Variants in KCNN3 observed in about 807,000 individuals in gnomAD.
The protein encoded by KCNN3 is potassium calcium-activated channel subfamily N member 3.
In KCNN3, 16 loss-of-function variants were observed where a neutral mutation model predicts 62.9. That is an observed-to-expected ratio of 0.25 (90% confidence interval 0.17 to 0.39). The LOEUF is 0.39. Among genes scored for constraint, KCNN3 ranks in the 10% least tolerant of loss-of-function variants. KCNN3 has a pLI of 1.00. For missense variants in KCNN3, 599 were observed against 949.4 expected (o/e 0.63, Z 4.85); for synonymous variants, 370 against 389.2 (o/e 0.95, Z 0.58).
intron 3 of KCNN3, among the ~76,000 whole-genome samples, chr1:154,769,099 C>G (rs1648432170): frequency 6.6e-6 from 1 of 151,870 alleles, no homozygotes; most frequent in Non-Finnish European, 1.5e-5. Context: ...TCCCATGAGC[C>G]TTCATGTCCA....
intron 1 of KCNN3, among the ~76,000 whole-genome samples, chr1:154,850,050 G>A (rs969452978): frequency 2.6e-5 from 4 of 152,108 alleles, no homozygotes; most frequent in African/African-American, 9.7e-5. Context: ...TCTGGCAGGC[G>A]CTTCTTTCTC....
At chr1:154,714,241 G>GTGTGTGTGGGGTGTGTGCGC (rs1700157820) in intron 6 of KCNN3, among the ~76,000 whole-genome samples, 4 of 137,436 alleles carry the variant, frequency 2.9e-5, no homozygotes, top group African/African-American at 8.2e-5. Context: ...GGTGTGTGCG[G>GTGTGTGTGGGGTGTGTGCGC]TGTGTATGGT....
rs1286122907 is a variant in KCNN3, at chr1:154,779,556, A to C, written c.1030-7163T>G. On this transcript the variant is annotated intron_variant, in intron 2 of 7. Transcript: ENST00000271915. ...AAAGAATAACTCAGAGCATTTAAAA[A>C]GTTATTTTGCAAGCAGTTTAGTTGT... is the stretch of plus-strand genomic sequence containing the variant. Among the ~76,000 whole-genome samples, 4 of 152,226 alleles carry C rather than the reference A, an allele frequency of 2.6e-5. No homozygotes were observed. In the East Asian group the frequency reaches 5.8e-4, roughly 22 times the overall value.
chr1:154,807,517 G>A (rs531863188), intron 2 of KCNN3, among the ~76,000 whole-genome samples: 17 of 152,310 alleles, frequency 1.1e-4, no homozygotes, highest in East Asian at 1.9e-4. Context: ...GGATGGTGGC[G>A]GTTTCCAGCC....
chr1:154,811,695 T>C (rs910147984), intron 2 of KCNN3, among the ~76,000 whole-genome samples: 3 of 152,160 alleles, frequency 2.0e-5, no homozygotes, highest in African/African-American at 7.2e-5. Flanking sequence ...ATTTGAGCAG[T>C]GGTGATTTTG....
Position 154,701,138 on chromosome 1 carries a change from A to C in KCNN3, c.*6838T>G, listed in dbSNP as rs535449935. 37 of 152,316 alleles carry C rather than the reference A, an allele frequency of 2.4e-4. No homozygotes were observed. Among genetic ancestry groups the C allele is most frequent in the African/African-American group, 8.7e-4 (36 of 41,568 alleles). The allele number at this position is 152,316 out of a possible 1,614,324, so 9.4% of individuals were successfully genotyped here. A position where few individuals can be genotyped will look rare whatever the true frequency, so the allele number is the denominator to read the frequency against. On this transcript the variant is annotated 3_prime_UTR_variant, in exon 8 of 8. Transcript: ENST00000271915. ...AGACATTTCTCTTTCAAACAGCATG[A>C]ATACCTAATGTCAGTGAGCCCCATG...
At chr1:154,735,254 C>A (rs553077601) in intron 3 of KCNN3, among the ~76,000 whole-genome samples, 1 of 152,264 alleles carries the variant, frequency 6.6e-6, no homozygotes, top group South Asian at 2.1e-4. Flanking sequence ...TCTCACCCAC[C>A]GGAGCCCGGC....
chr1:154,741,198 G>A (rs1362910582), intron 3 of KCNN3, among the ~76,000 whole-genome samples: 1 of 152,128 alleles, frequency 6.6e-6, no homozygotes, highest in Non-Finnish European at 1.5e-5. Context: ...TTCACTTAAT[G>A]TGCAGACCAT....
At chr1:154,826,062 CAAAAACAAAAACAAAAACA>C (rs1243227894) in intron 1 of KCNN3, among the ~76,000 whole-genome samples, 1 of 129,420 alleles carries the variant, frequency 7.7e-6, no homozygotes, top group African/African-American at 3.3e-5. Flanking sequence ...AAAACAAAAA[CAAAAACAAAAACAAAAACA>C]AAAACAAAAA....
chr1:154,757,119 T>C (rs865853899), intron 3 of KCNN3, among the ~76,000 whole-genome samples: 27 of 152,032 alleles, frequency 1.8e-4, no homozygotes, highest in Admixed American at 3.9e-4. Flanking sequence ...GTGTAGGAAA[T>C]AGGGTATGGG....
chr1:154,741,391 C>A (rs1700819042), intron 3 of KCNN3, among the ~76,000 whole-genome samples: 1 of 152,210 alleles, frequency 6.6e-6, no homozygotes. Flanking sequence ...TAGGGGCTCA[C>A]TAAAATACTT....
At chr1:154,853,137 A>G (rs1196800158) in intron 1 of KCNN3, among the ~76,000 whole-genome samples, 1 of 150,026 alleles carries the variant, frequency 6.7e-6, no homozygotes, top group Admixed American at 6.6e-5. Context: ...CTACAGGTGC[A>G]CACCAATGTA....
intron 1 of KCNN3, among the ~76,000 whole-genome samples, chr1:154,854,994 G>A (rs955079401): frequency 2.0e-5 from 3 of 152,158 alleles, no homozygotes; most frequent in Non-Finnish European, 2.9e-5. Context: ...AAGGCGGGTG[G>A]ATCACTTGAG....
At chr1:154,863,544 C>T (rs1356609149) in intron 1 of KCNN3, among the ~76,000 whole-genome samples, 2 of 152,274 alleles carry the variant, frequency 1.3e-5, no homozygotes, top group East Asian at 1.9e-4. Context: ...AAATGTGCTT[C>T]ACAAATAACT....
intron 1 of KCNN3, among the ~76,000 whole-genome samples, chr1:154,841,058 G>A (rs942215537): frequency 6.6e-6 from 1 of 152,194 alleles, no homozygotes; most frequent in Non-Finnish European, 1.5e-5. Context: ...GGACCCTGGG[G>A]CCTGTCAGAA....
At chr1:154,796,527 A>G in intron 2 of KCNN3, among the ~76,000 whole-genome samples, 1 of 151,204 alleles carries the variant, frequency 6.6e-6, no homozygotes, top group East Asian at 1.9e-4. Context: ...TTTATTGGGT[A>G]AAAAAAAAAT....
chr1:154,712,564 G>A (rs779572396), intron 7 of KCNN3, among the ~76,000 whole-genome samples: 2 of 152,116 alleles, frequency 1.3e-5, no homozygotes, highest in Non-Finnish European at 2.9e-5. Flanking sequence ...TTCAAAGGGT[G>A]CTTAATGTGC....
At chr1:154,783,379 T>A (rs972679187) in intron 2 of KCNN3, among the ~76,000 whole-genome samples, 1 of 152,208 alleles carries the variant, frequency 6.6e-6, no homozygotes, top group Non-Finnish European at 1.5e-5. Context: ...TTATCTGTAA[T>A]CTAGACTGGG....
chr1:154,699,642 G>A lies in KCNN3; in HGVS notation c.*8334C>T, dbSNP rs1204114517. The A allele has an allele frequency of 3.3e-5, 5 of 152,206 alleles. No individual in the cohort carries two copies. Among genetic ancestry groups the A allele is most frequent in the African/African-American group, 1.2e-4 (5 of 41,448 alleles). 9.4% of individuals were successfully genotyped at this position (152,206 alleles called of 1,614,324 possible). A position where few individuals can be genotyped will look rare whatever the true frequency, so the allele number is the denominator to read the frequency against. On this transcript the variant is annotated 3_prime_UTR_variant, in exon 8 of 8. Transcript: ENST00000271915. ...GGAGTGTTTCTTGTTGGTGCAATGA[G>A]TAAGAGAATTGGCTTTCAAGGAGAT...
Sources: gnomAD v4.1 joint callset for allele counts (sites outside exome capture counted in the v4.1 genomes callset) on GRCh38, gnomAD v4.1.1 for gene constraint, MANE v1.5 for transcripts, NCBI Gene and HGNC (gene_info 2026-07-23, HGNC 2026-07-21) for gene names.